NBEA: variants seen among roughly 807,000 people sequenced by gnomAD.
The protein encoded by NBEA is lysosomal-trafficking regulator 2.
A neutral mutation model predicts 343.4 loss-of-function variants in NBEA; 44 were observed. The observed-to-expected ratio is 0.13, with a 90% CI of 0.10 to 0.16. The LOEUF is 0.16. Ranked by LOEUF, NBEA falls within the 10% of genes least tolerant of loss-of-function variation. The pLI, the probability that NBEA is intolerant of heterozygous loss-of-function variation, is 1.00. For missense variants in NBEA, 2,555 were observed against 3,631.3 expected (o/e 0.70, Z 7.62); for synonymous variants, 1,175 against 1,238.7 (o/e 0.95, Z 1.08).
chr13:35,473,350 A>G (rs2075736463), intron 41 of NBEA, among the ~76,000 whole-genome samples: 1 of 152,182 alleles, frequency 6.6e-6, no homozygotes, highest in South Asian at 2.1e-4. Context: ...TTTTGCAAAG[A>G]TCTTCCTTTA....
chr13:35,267,451 T>C (rs1299097736), intron 34 of NBEA, among the ~76,000 whole-genome samples: 1 of 152,010 alleles, frequency 6.6e-6, no homozygotes, highest in African/African-American at 2.4e-5. Context: ...TTGGCAATTA[T>C]ATCTTGGATA....
intron 8 of NBEA, 23 bp downstream of exon 8, chr13:35,058,886 A>G (rs1399038121): frequency 4.5e-6 from 7 of 1,553,090 alleles, no homozygotes; most frequent in Non-Finnish European, 6.1e-6. Context: ...GTAATTTTAT[A>G]AATTCTATGG....
chr13:35,220,029 G>T lies in NBEA; in HGVS notation c.5648+8850G>T, dbSNP rs114303423. Among the ~76,000 whole-genome samples, 970 of 152,248 alleles carry T rather than the reference G, an allele frequency of 6.4e-3. 11 individuals are homozygous for T. The highest frequency in any genetic ancestry group is 0.022 in the African/African-American group (929 of 41,546). On this transcript the variant is annotated intron_variant, in intron 33 of 58. Coordinates refer to ENST00000379939, the MANE Select transcript of NBEA (RefSeq NM_001385012.1). ...CACGATGCTAGATCATGCTGATGCTGCTGGTCCAGAATACACACTTTGAGA... is the reference window on the plus strand; with the variant it reads ...CACGATGCTAGATCATGCTGATGCTTCTGGTCCAGAATACACACTTTGAGA...
chr13:35,500,682 G>A (rs2076850724), intron 41 of NBEA, among the ~76,000 whole-genome samples: 1 of 147,834 alleles, frequency 6.8e-6, no homozygotes, highest in African/African-American at 2.5e-5. Flanking sequence ...CTAGGTTCAT[G>A]TTCTCACTCC....
chr13:35,360,215 A>G lies in NBEA; in HGVS notation c.6179+7892A>G, dbSNP rs79376270. ...CTAGCCATTAGAATAATGAAATGCAAAGAACTGTGTAATTAAGAAGAAGAC... is the reference window on the plus strand; with the variant it reads ...CTAGCCATTAGAATAATGAAATGCAGAGAACTGTGTAATTAAGAAGAAGAC... On this transcript the variant is annotated intron_variant, in intron 38 of 58. Coordinates refer to ENST00000379939, the MANE Select transcript of NBEA (RefSeq NM_001385012.1). Among the ~76,000 whole-genome samples the G allele has an allele frequency of 8.8e-3, 1,344 of 152,152 alleles. 20 individuals carry two copies. Among genetic ancestry groups the G allele is most frequent in the African/African-American group, 0.031 (1,278 of 41,540 alleles).
chr13:35,385,647 G>A (rs2042210968), intron 38 of NBEA, among the ~76,000 whole-genome samples: 1 of 152,118 alleles, frequency 6.6e-6, no homozygotes, highest in Non-Finnish European at 1.5e-5. Context: ...AGGCTGCAGT[G>A]AGCCATGATC....
chr13:35,533,152 T>G (rs1267636285), intron 41 of NBEA, among the ~76,000 whole-genome samples: 1 of 152,150 alleles, frequency 6.6e-6, no homozygotes, highest in Non-Finnish European at 1.5e-5. Flanking sequence ...AAGCTCAGTA[T>G]TAGCAAACTT....
chr13:35,324,168 C>T (rs1399404538), intron 36 of NBEA, among the ~76,000 whole-genome samples: 3 of 152,012 alleles, frequency 2.0e-5, no homozygotes, highest in African/African-American at 7.2e-5. Context: ...ATGTTGTGCA[C>T]GTAGCCAAAG....
intron 30 of NBEA, among the ~76,000 whole-genome samples, chr13:35,190,319 C>G (rs1266139104): frequency 6.6e-6 from 1 of 152,078 alleles, no homozygotes; most frequent in Non-Finnish European, 1.5e-5. Context: ...ATGAGATATC[C>G]ATATTCCCAG....
At chr13:35,433,127 AC>A (rs1466712781) in intron 39 of NBEA, among the ~76,000 whole-genome samples, 2 of 152,100 alleles carry the variant, frequency 1.3e-5, no homozygotes, top group Admixed American at 1.3e-4. Flanking sequence ...TATAAACTGT[AC>A]AATCACAAAT....
intron 35 of NBEA, among the ~76,000 whole-genome samples, chr13:35,306,927 T>C (rs544678563): frequency 3.3e-5 from 5 of 152,086 alleles, no homozygotes; most frequent in Non-Finnish European, 7.4e-5. Flanking sequence ...CTTTGCCCAA[T>C]GTTATGCCTT....
chr13:35,513,696 C>T (rs1333759065), intron 41 of NBEA, among the ~76,000 whole-genome samples: 2 of 151,836 alleles, frequency 1.3e-5, no homozygotes, highest in Non-Finnish European at 2.9e-5. Flanking sequence ...AATTATAACA[C>T]ATTCAGGAAC....
At chr13:35,563,659 T>C (rs978867468) in intron 44 of NBEA, among the ~76,000 whole-genome samples, 1 of 151,828 alleles carries the variant, frequency 6.6e-6, no homozygotes, top group African/African-American at 2.4e-5. Flanking sequence ...AATAATGCTA[T>C]AAATCTCTGC....
At chr13:35,010,911 C>G (rs147543904) in intron 1 of NBEA, among the ~76,000 whole-genome samples, 150 of 150,642 alleles carry the variant, frequency 1.0e-3, no homozygotes, top group African/African-American at 3.5e-3. Flanking sequence ...GACCCCATTT[C>G]TTTAAAAAAA....
chr13:35,646,172 T>C lies in NBEA; in HGVS notation c.7681-87T>C, dbSNP rs1326474060. ...TTCTGGACTTTTTTTCATGGCTGAC[T>C]TGGGATACACTTGCGTTGTCAAAGA... is the stretch of plus-strand genomic sequence containing the variant. On this transcript the variant is annotated intron_variant, in intron 50 of 58. Coordinates refer to ENST00000379939, the MANE Select transcript of NBEA (RefSeq NM_001385012.1). 2.9e-6 allele frequency: 3 copies of C among 1,034,866 alleles called. No individual in the cohort carries two copies. The East Asian group carries it at 7.7e-5, about 26-fold the overall frequency. 64.1% of individuals were successfully genotyped at this position (1,034,866 alleles called of 1,614,324 possible). A position where few individuals can be genotyped will look rare whatever the true frequency, so the allele number is the denominator to read the frequency against.
At chr13:35,485,001 C>T (rs1224549122) in intron 41 of NBEA, among the ~76,000 whole-genome samples, 2 of 151,948 alleles carry the variant, frequency 1.3e-5, no homozygotes, top group Non-Finnish European at 2.9e-5. Context: ...AGTTTTAAAA[C>T]TTCTTTTCTA....
At chr13:35,513,358 C>G (rs543745021) in intron 41 of NBEA, among the ~76,000 whole-genome samples, 138 of 137,566 alleles carry the variant, frequency 1.0e-3, no homozygotes, top group African/African-American at 3.5e-3. Context: ...ACCATGTTGG[C>G]CAGGCTGGTT....
chr13:35,326,379 T>G (rs1377057778), intron 36 of NBEA, among the ~76,000 whole-genome samples: 1 of 152,024 alleles, frequency 6.6e-6, no homozygotes, highest in Non-Finnish European at 1.5e-5. Context: ...TAGATATTTT[T>G]GGGAGGGAAA....
chr13:35,219,149 T>C (rs1369554911), intron 33 of NBEA, among the ~76,000 whole-genome samples: 1 of 152,122 alleles, frequency 6.6e-6, no homozygotes, highest in Admixed American at 6.6e-5. Context: ...CTTTTTAATC[T>C]TGATATTCTT....
Sources: gnomAD v4.1 joint callset for allele counts (sites outside exome capture counted in the v4.1 genomes callset) on GRCh38, gnomAD v4.1.1 for gene constraint, MANE v1.5 for transcripts, NCBI Gene and HGNC (gene_info 2026-07-23, HGNC 2026-07-21) for gene names.